Variants in MAST2 observed in about 807,000 individuals in gnomAD.
The protein encoded by MAST2 is microtubule-associated serine/threonine-protein kinase 2.
MAST2 carries 70 observed loss-of-function variants against 147.4 expected under a neutral mutation model. The ratio of observed to expected loss-of-function variants is 0.47; its 90% confidence interval spans 0.39 to 0.58. The LOEUF is 0.58. MAST2 is among the 20% of genes least tolerant of loss of function. MAST2 has a pLI of 0.00. For synonymous variants in MAST2, 869 were observed against 896.8 expected, an observed-to-expected ratio of 0.97 and a Z score of 0.55; for missense variants, 2,080 against 2,302.3, an observed-to-expected ratio of 0.90 and a Z score of 1.98.
chr1:45,838,215 C>CTTTTTTTTTTTTTTT (rs61696475), intron 3 of MAST2, among the ~76,000 whole-genome samples: 1 of 97,990 alleles, frequency 1.0e-5, no homozygotes, highest in African/African-American at 4.2e-5. Context: ...TATATATATT[C>CTTTTTTTTTTTTTTT]TTTTTTTTTT....
intron 18 of MAST2, 47 bp from the exon 19 acceptor site, chr1:46,029,419 A>T (rs1646545416): frequency 6.6e-7 from 1 of 1,504,112 alleles, no homozygotes; most frequent in African/African-American, 1.4e-5. Context: ...GCATCTCTCC[A>T]CTCTACCCAC....
chr1:45,950,392 T>A (rs1658757848), intron 4 of MAST2, among the ~76,000 whole-genome samples: 1 of 152,162 alleles, frequency 6.6e-6, no homozygotes, highest in South Asian at 2.1e-4. Context: ...GACTTCACCC[T>A]CAGTGCAGGA....
chr1:46,024,161 C>T, intron 15 of MAST2, 181 bp downstream of exon 15: 1 of 614,114 alleles, frequency 1.6e-6, no homozygotes. Flanking sequence ...GCACAAAGCT[C>T]CCTGCCTCTA....
At chr1:45,987,762 GTTTTTTTTTTTTTGATTTTTTTT>G (rs1281353675) in intron 5 of MAST2, among the ~76,000 whole-genome samples, 3 of 62,742 alleles carry the variant, frequency 4.8e-5, no homozygotes, top group African/African-American at 2.0e-4. Context: ...AGCATTTCTT[GTTTTTTTTTTTTTGATTTTTTTT>G]TTTTTTTTTT....
At chr1:45,927,128 T>A (rs573604057) in intron 4 of MAST2, among the ~76,000 whole-genome samples, 2 of 150,642 alleles carry the variant, frequency 1.3e-5, no homozygotes, top group Non-Finnish European at 3.0e-5. Context: ...GGGGAGGGAG[T>A]GTGCGAATAG....
chr1:45,870,530 A>G (rs1646341661), intron 3 of MAST2, among the ~76,000 whole-genome samples: 1 of 150,468 alleles, frequency 6.6e-6, no homozygotes, highest in Non-Finnish European at 1.5e-5. Context: ...ATATATATAT[A>G]TAAAATTTTT....
intron 4 of MAST2, among the ~76,000 whole-genome samples, chr1:45,948,061 A>G (rs1336328824): frequency 2.0e-5 from 3 of 152,200 alleles, no homozygotes; most frequent in Non-Finnish European, 4.4e-5. Context: ...AAGTTTCAGG[A>G]TACAAAATCA....
chr1:45,985,131 C>T (rs769513138), intron 5 of MAST2, among the ~76,000 whole-genome samples: 52 of 152,130 alleles, frequency 3.4e-4, no homozygotes, highest in Non-Finnish European at 6.2e-4. Context: ...GATCTCAGCT[C>T]ATTGCAACCT....
At chr1:45,946,894 C>G (rs1481156715) in intron 4 of MAST2, among the ~76,000 whole-genome samples, 1 of 152,120 alleles carries the variant, frequency 6.6e-6, no homozygotes. Flanking sequence ...GTGCCTACGT[C>G]AGAGTTTTGC....
At chr1:45,856,202 C>T (rs11211205) in intron 3 of MAST2, among the ~76,000 whole-genome samples, 51,727 of 152,050 alleles carry the variant, frequency 0.34, 9,209 homozygotes, top group African/African-American at 0.44. Flanking sequence ...GGCTCACATC[C>T]GTAATCCAAT....
At chr1:45,867,496 A>C (rs1396570550) in intron 3 of MAST2, among the ~76,000 whole-genome samples, 3 of 152,198 alleles carry the variant, frequency 2.0e-5, no homozygotes, top group Admixed American at 6.5e-5. Context: ...TGTTCAAATT[A>C]CAGTTCTGCC....
At chr1:45,991,755 ATTGTTGT>A (rs1170458603) in intron 5 of MAST2, among the ~76,000 whole-genome samples, 1 of 152,130 alleles carries the variant, frequency 6.6e-6, no homozygotes, top group East Asian at 1.9e-4. Context: ...TAGTTACAGG[ATTGTTGT>A]TTGTTGATTC....
intron 3 of MAST2, among the ~76,000 whole-genome samples, chr1:45,833,530 C>T (rs751278519): frequency 5.9e-5 from 9 of 152,056 alleles, no homozygotes; most frequent in Non-Finnish European, 1.0e-4. Flanking sequence ...TTTCATTCCT[C>T]GTGGATATAT....
intron 3 of MAST2, among the ~76,000 whole-genome samples, chr1:45,864,535 G>A (rs1179988644): frequency 6.6e-6 from 1 of 152,188 alleles, no homozygotes; most frequent in African/African-American, 2.4e-5. Context: ...TGCCGACTTA[G>A]TCAAAACAAT....
chr1:45,987,776 G>GTTTTTTTTTTTTTTTTTT (rs1644692974), intron 5 of MAST2, among the ~76,000 whole-genome samples: 20 of 30,702 alleles, frequency 6.5e-4, no homozygotes, highest in African/African-American at 1.3e-3. Flanking sequence ...TTTTTTTTTT[G>GTTTTTTTTTTTTTTTTTT]ATTTTTTTTT....
chr1:45,982,063 G>A lies in MAST2; in HGVS notation c.593-15661G>A, dbSNP rs1644431257. Reference sequence around the variant, plus strand: ...GGAGTTTCACCATGTTTGCCAGACTGGTCCCAAACTCCTGACCTCAGGCAA... The same window carrying A: ...GGAGTTTCACCATGTTTGCCAGACTAGTCCCAAACTCCTGACCTCAGGCAA... On this transcript the variant is annotated intron_variant, in intron 5 of 28. Transcript: ENST00000361297. Among the ~76,000 whole-genome samples, 3 of 152,044 alleles carry A rather than the reference G, an allele frequency of 2.0e-5. No individual in the cohort carries two copies. The South Asian group carries it at 6.2e-4, about 32-fold the overall frequency.
chr1:45,836,930 G>C (rs1645120125), intron 3 of MAST2, among the ~76,000 whole-genome samples: 1 of 152,174 alleles, frequency 6.6e-6, no homozygotes, highest in Non-Finnish European at 1.5e-5. Flanking sequence ...GGATGAAACT[G>C]TTCCACCTCA....
chr1:45,843,107 A>G (rs1056392131), intron 3 of MAST2, among the ~76,000 whole-genome samples: 2 of 151,926 alleles, frequency 1.3e-5, no homozygotes, highest in East Asian at 1.9e-4. Context: ...AAATGTCTAT[A>G]CAAGTCCTTT....
chr1:45,880,965 T>TTA (rs1646818174), intron 3 of MAST2, among the ~76,000 whole-genome samples: 1 of 63,308 alleles, frequency 1.6e-5, no homozygotes, highest in African/African-American at 7.7e-5. Flanking sequence ...AGACTCCATC[T>TTA]CAAAAAAAAA....
Sources: allele counts gnomAD v4.1 joint callset (sites outside exome capture counted in the v4.1 genomes callset), GRCh38; gene constraint gnomAD v4.1.1; transcripts MANE v1.5; gene names NCBI Gene and HGNC (gene_info 2026-07-23, HGNC 2026-07-21).